Variants in VGLL1 observed in about 807,000 individuals in gnomAD.
VGLL1 encodes transcription cofactor vestigial-like protein 1.
Under a neutral mutation model 12.0 loss-of-function variants are expected in VGLL1, and 4 were observed. The ratio of observed to expected loss-of-function variants is 0.33; its 90% confidence interval spans 0.16 to 0.76. VGLL1 has a LOEUF of 0.76. Among genes scored for constraint, VGLL1 ranks in the 30% least tolerant of loss-of-function variants. The probability of loss-of-function intolerance (pLI) is 0.60; values close to 1 mark genes in which losing one functional copy is unlikely to be tolerated. For synonymous variants in VGLL1, 87 were observed against 81.2 expected (o/e 1.07, Z -0.39); for missense variants, 204 against 208.7 (o/e 0.98, Z 0.14).
intron 4 of VGLL1, among the ~76,000 whole-genome samples, chrX:136,554,522 G>A (rs1006370177): frequency 9.0e-6 from 1 of 111,562 alleles, no homozygotes; most frequent in Non-Finnish European, 1.9e-5. Context: ...TATTCTAAGC[G>A]ACATTGTGAG....
intron 2 of VGLL1, among the ~76,000 whole-genome samples, chrX:136,538,282 C>T (rs1000046111): frequency 3.6e-5 from 4 of 112,431 alleles, no homozygotes; most frequent in African/African-American, 9.7e-5. Context: ...TTAAAAGTTA[C>T]ATTTTATGAC....
intron 1 of VGLL1, among the ~76,000 whole-genome samples, chrX:136,535,162 G>C (rs2075835996): frequency 9.0e-6 from 1 of 111,399 alleles, no homozygotes; most frequent in African/African-American, 3.3e-5. Flanking sequence ...AACTCTCAAG[G>C]TGGGATATGA....
chrX:136,536,061 G>T lies in VGLL1; in HGVS notation c.41G>T (p.Gly14Val), dbSNP rs778307541. The change falls in exon 2 of 5, where the codon GGC (glycine) becomes GTC (valine). Residue 14 changes from glycine to valine, a missense_variant. Coordinates refer to ENST00000370634, the MANE Select transcript of VGLL1 (RefSeq NM_016267.4). Reference sequence around the variant, plus strand: ...AAGACTGCCATCCGGCTGCCCAAAGGCAAACAGAAGCCTATAAAGACGGAA... The same window carrying T: ...AAGACTGCCATCCGGCTGCCCAAAGTCAAACAGAAGCCTATAAAGACGGAA... ...MKKTAIRLPK[G>V]KQKPIKTEWN... 3.3e-6 allele frequency: 4 copies of T among 1,211,655 alleles called. No individual in the cohort carries two copies. In the South Asian group the frequency reaches 7.0e-5, roughly 21 times the overall value.
chrX:136,553,456 A>G, intron 4 of VGLL1, among the ~76,000 whole-genome samples: 1 of 106,251 alleles, frequency 9.4e-6, no homozygotes, highest in Non-Finnish European at 1.9e-5. Flanking sequence ...GATTACAGGC[A>G]CCCGCCACAA....
intron 2 of VGLL1, among the ~76,000 whole-genome samples, chrX:136,545,664 G>C (rs1200042370): frequency 8.9e-6 from 1 of 111,841 alleles, no homozygotes; most frequent in Non-Finnish European, 1.9e-5. Context: ...ATTTAAGTTT[G>C]TATGTTGAAA....
chrX:136,535,673 T>A (rs975766464), intron 1 of VGLL1, among the ~76,000 whole-genome samples: 1 of 111,557 alleles, frequency 9.0e-6, no homozygotes, highest in Non-Finnish European at 1.9e-5. Flanking sequence ...CAAGTTACTC[T>A]GCTATTTGGC....
Position 136,550,808 on chromosome X carries a change from C to G in VGLL1, c.675C>G (p.Ser225Arg). The change falls in exon 4 of 5, where the codon AGC (serine) becomes AGG (arginine). Residue 225 changes from serine to arginine, a missense_variant. Physicochemically the swap from Ser to Arg is moderately radical, Grantham distance 110. Coordinates refer to ENST00000370634, the MANE Select transcript of VGLL1 (RefSeq NM_016267.4). Reference sequence around the variant, plus strand: ...TATCTCGTGGATCTGCCAGTACCAGCCTTCCAAATGAAAGTAGGTATCTGG... The same window carrying G: ...TATCTCGTGGATCTGCCAGTACCAGGCTTCCAAATGAAAGTAGGTATCTGG... ...LYVSRGSAST[S>R]LPNETLSELE... 8.3e-7 allele frequency: 1 copy of G among 1,208,511 alleles called. No individual in the cohort carries two copies. Among genetic ancestry groups the G allele is most frequent in the Non-Finnish European group, 1.1e-6 (1 of 893,221 alleles).
intron 2 of VGLL1, among the ~76,000 whole-genome samples, chrX:136,539,209 T>G (rs186714207): frequency 8.9e-6 from 1 of 112,276 alleles, no homozygotes; most frequent in Non-Finnish European, 1.9e-5. Context: ...ATGGTCTCAC[T>G]TTTTCTATTC....
intron 4 of VGLL1, among the ~76,000 whole-genome samples, chrX:136,553,818 G>A (rs1048218013): frequency 8.9e-6 from 1 of 111,850 alleles, no homozygotes; most frequent in African/African-American, 3.3e-5. Context: ...CTATGAAGCA[G>A]GGGCATGTGG....
At chrX:136,552,434 T>C (rs913487650) in intron 4 of VGLL1, among the ~76,000 whole-genome samples, 1 of 112,271 alleles carries the variant, frequency 8.9e-6, no homozygotes. Context: ...TCCTGAGTAC[T>C]TGTTAATAGT....
intron 4 of VGLL1, among the ~76,000 whole-genome samples, chrX:136,555,586 A>G (rs773092063): frequency 8.9e-6 from 1 of 111,961 alleles, no homozygotes; most frequent in South Asian, 3.7e-4. Context: ...TTGAGCTTTC[A>G]TAAGAACAGG....
intron 2 of VGLL1, among the ~76,000 whole-genome samples, chrX:136,537,007 A>G (rs978635454): frequency 6.2e-5 from 7 of 112,742 alleles, no homozygotes; most frequent in Admixed American, 2.8e-4. Context: ...GATAATATTT[A>G]CATTTTATAT....
intron 2 of VGLL1, among the ~76,000 whole-genome samples, chrX:136,543,736 G>A (rs913011962): frequency 7.6e-5 from 7 of 92,395 alleles, no homozygotes; most frequent in African/African-American, 2.9e-4. Context: ...GTACACTCCA[G>A]CCTGGGAGAC....
chrX:136,537,563 ATCT>A (rs1215474042), intron 2 of VGLL1, among the ~76,000 whole-genome samples: 1 of 110,704 alleles, frequency 9.0e-6, no homozygotes, highest in African/African-American at 3.3e-5. Context: ...ATTTTTCTTC[ATCT>A]TCTGTTTTTT....
chrX:136,535,405 G>A (rs1168406496), intron 1 of VGLL1, among the ~76,000 whole-genome samples: 1 of 111,983 alleles, frequency 8.9e-6, no homozygotes, highest in African/African-American at 3.2e-5. Context: ...AGATGGTGTT[G>A]TTTGTAATTG....
At chrX:136,532,631 TTCTTTC>T (rs2075827278) in intron 1 of VGLL1, among the ~76,000 whole-genome samples, 1 of 98,406 alleles carries the variant, frequency 1.0e-5, no homozygotes, top group African/African-American at 3.7e-5. Context: ...CTTTCTTTCT[TTCTTTC>T]TTTCTTTCTT....
chrX:136,551,224 A>T (rs1197660473), intron 4 of VGLL1, among the ~76,000 whole-genome samples: 1 of 105,611 alleles, frequency 9.5e-6, no homozygotes, highest in Admixed American at 1.0e-4. Flanking sequence ...GTATTCTTTT[A>T]TTTATTTCTT....
At chrX:136,555,271 C>T (rs778210031) in intron 4 of VGLL1, among the ~76,000 whole-genome samples, 5 of 111,842 alleles carry the variant, frequency 4.5e-5, no homozygotes, top group African/African-American at 9.7e-5. Context: ...TTTTTGTAGA[C>T]GTGTTAAGAG....
At chrX:136,550,868 A>G (rs1339852606) in intron 4 of VGLL1, 47 bp downstream of exon 4, 4 of 1,117,495 alleles carry the variant, frequency 3.6e-6, no homozygotes, top group Non-Finnish European at 3.7e-6. Context: ...GTATCCTGAG[A>G]ACGAACTTGA....
Sources: allele counts gnomAD v4.1 joint callset (sites outside exome capture counted in the v4.1 genomes callset), GRCh38; gene constraint gnomAD v4.1.1; transcripts MANE v1.5; gene names NCBI Gene and HGNC (gene_info 2026-07-23, HGNC 2026-07-21).